Variants in GALNT13 observed in about 807,000 individuals in gnomAD.
The protein encoded by GALNT13 is polypeptide N-acetylgalactosaminyltransferase 13.
GALNT13 carries 28 observed loss-of-function variants against 64.2 expected under a neutral mutation model. That is an observed-to-expected ratio of 0.44 (90% CI 0.32 to 0.60). The LOEUF (loss-of-function observed/expected upper bound fraction) is 0.60, where lower values mean the gene tolerates loss of function less well. Among genes scored for constraint, GALNT13 ranks in the 20% least tolerant of loss-of-function variants. GALNT13 has a pLI of 0.05. For missense variants in GALNT13, 577 were observed against 669.8 expected, an observed-to-expected ratio of 0.86 and a Z score of 1.53; for synonymous variants, 214 against 224.6, an observed-to-expected ratio of 0.95 and a Z score of 0.42.
the GALNT13 span, among the ~76,000 whole-genome samples, chr2:153,689,102 T>TGTGTG: frequency 3.5e-5 from 3 of 85,248 alleles, no homozygotes; most frequent in African/African-American, 1.2e-4. Flanking sequence ...GTGTGTGTGT[T>TGTGTG]TAGCGTTAGT....
chr2:153,577,430 A>T, the GALNT13 span, among the ~76,000 whole-genome samples: 1 of 152,134 alleles, frequency 6.6e-6, no homozygotes, highest in Admixed American at 6.6e-5. Context: ...AATTAAAAAA[A>T]TCCCCTTAGT....
chr2:153,323,790 G>A, the GALNT13 span, among the ~76,000 whole-genome samples: 1 of 152,164 alleles, frequency 6.6e-6, no homozygotes, highest in South Asian at 2.1e-4. Flanking sequence ...TCAAACATCA[G>A]ATGGTTGTAG....
the GALNT13 span, among the ~76,000 whole-genome samples, chr2:153,525,071 AG>A: frequency 1.3e-5 from 2 of 152,202 alleles, no homozygotes; most frequent in Non-Finnish European, 2.9e-5. Flanking sequence ...ACAGTAAGAT[AG>A]GGCACCAGTA....
chr2:154,368,945 C>T (rs944880881), intron 9 of GALNT13, among the ~76,000 whole-genome samples: 1 of 151,814 alleles, frequency 6.6e-6, no homozygotes, highest in Non-Finnish European at 1.5e-5. Context: ...GTAAATGTAC[C>T]ATTGTGTTCC....
chr2:153,253,751 G>T, the GALNT13 span, among the ~76,000 whole-genome samples: 1 of 121,296 alleles, frequency 8.2e-6, no homozygotes, highest in East Asian at 2.2e-4. Context: ...CTTTGGTTCT[G>T]TTTATATGCT....
chr2:153,084,070 T>C, the GALNT13 span, among the ~76,000 whole-genome samples: 133 of 152,258 alleles, frequency 8.7e-4, 2 homozygotes, highest in East Asian at 0.022. Flanking sequence ...TATTTCTGGG[T>C]TCTCTATTCT....
chr2:153,793,554 GT>G, the GALNT13 span, among the ~76,000 whole-genome samples: 1 of 151,364 alleles, frequency 6.6e-6, no homozygotes, highest in Non-Finnish European at 1.5e-5. Flanking sequence ...CCTTGTCTCT[GT>G]TCTCTCACTT....
At chr2:154,162,544 G>A (rs948699499) in intron 4 of GALNT13, among the ~76,000 whole-genome samples, 5 of 152,186 alleles carry the variant, frequency 3.3e-5, no homozygotes, top group African/African-American at 1.2e-4. Flanking sequence ...ACTTGGCTGG[G>A]AACACAACAC....
chr2:154,430,940 T>G (rs1016482368), intron 11 of GALNT13, among the ~76,000 whole-genome samples: 2 of 152,192 alleles, frequency 1.3e-5, no homozygotes, highest in Non-Finnish European at 2.9e-5. Flanking sequence ...CATTGTTTTT[T>G]GAGACACAAT....
intron 4 of GALNT13, among the ~76,000 whole-genome samples, chr2:154,221,605 A>G (rs1373190466): frequency 6.6e-6 from 1 of 152,066 alleles, no homozygotes. Context: ...TAGAGAATGA[A>G]AGGCAATTCT....
At chr2:153,337,318 C>A in the GALNT13 span, among the ~76,000 whole-genome samples, 1 of 152,202 alleles carries the variant, frequency 6.6e-6, no homozygotes, top group Non-Finnish European at 1.5e-5. Flanking sequence ...TCTTTTCCAG[C>A]TGCCTACTCC....
At chr2:154,257,203 A>G (rs1035699210) in intron 7 of GALNT13, among the ~76,000 whole-genome samples, 1 of 152,164 alleles carries the variant, frequency 6.6e-6, no homozygotes, top group Admixed American at 6.6e-5. Context: ...TCTTAATAGT[A>G]TAAATAGCCA....
chr2:153,471,474 C>T, the GALNT13 span, among the ~76,000 whole-genome samples: 1 of 152,176 alleles, frequency 6.6e-6, no homozygotes, highest in Non-Finnish European at 1.5e-5. Context: ...CTTCCACATT[C>T]TCACAATGTT....
At chr2:153,512,436 G>A in the GALNT13 span, among the ~76,000 whole-genome samples, 1 of 152,154 alleles carries the variant, frequency 6.6e-6, no homozygotes, top group Non-Finnish European at 1.5e-5. Flanking sequence ...AGATGAGAGT[G>A]AAAGCAGTAT....
chr2:154,363,334 T>C (rs1465837528), intron 9 of GALNT13, among the ~76,000 whole-genome samples: 2 of 152,198 alleles, frequency 1.3e-5, no homozygotes, highest in African/African-American at 2.4e-5. Context: ...TTCTGAATTA[T>C]GTCTATAGCA....
At chr2:154,379,953 A>T (rs1338076382) in intron 9 of GALNT13, among the ~76,000 whole-genome samples, 9 of 152,162 alleles carry the variant, frequency 5.9e-5, no homozygotes, top group African/African-American at 2.2e-4. Flanking sequence ...AATCACTGAA[A>T]ATTGCTTTCA....
intron 3 of GALNT13, among the ~76,000 whole-genome samples, chr2:153,962,214 A>G (rs1205825421): frequency 6.6e-6 from 1 of 152,144 alleles, no homozygotes; most frequent in Non-Finnish European, 1.5e-5. Flanking sequence ...AACCTGCCTT[A>G]TGTTACATTG....
At chr2:154,206,438 C>T (rs1161990269) in intron 4 of GALNT13, among the ~76,000 whole-genome samples, 1 of 151,804 alleles carries the variant, frequency 6.6e-6, no homozygotes, top group Non-Finnish European at 1.5e-5. Context: ...AAAGAATCTG[C>T]TTACTTACAA....
chr2:153,768,143 A>C, the GALNT13 span, among the ~76,000 whole-genome samples: 2 of 152,192 alleles, frequency 1.3e-5, no homozygotes, highest in South Asian at 2.1e-4. Flanking sequence ...CCAACAACTG[A>C]GTCCAAGAAA....
Sources: gnomAD v4.1 joint callset for allele counts (sites outside exome capture counted in the v4.1 genomes callset) on GRCh38, gnomAD v4.1.1 for gene constraint, MANE v1.5 for transcripts, NCBI Gene and HGNC (gene_info 2026-07-23, HGNC 2026-07-21) for gene names.